DSCAML1: variants seen among roughly 807,000 people sequenced by gnomAD.
The protein encoded by DSCAML1 is cell adhesion molecule DSCAML1.
DSCAML1 carries 38 observed loss-of-function variants against 200.5 expected under a neutral mutation model. That is an observed-to-expected ratio of 0.19 (90% CI 0.15 to 0.25). The LOEUF (loss-of-function observed/expected upper bound fraction) is 0.25, where lower values mean the gene tolerates loss of function less well. DSCAML1 is among the 10% of genes least tolerant of loss of function. The pLI, the probability that DSCAML1 is intolerant of heterozygous loss-of-function variation, is 1.00. For synonymous variants in DSCAML1, 1,215 were observed against 1,165.0 expected, an observed-to-expected ratio of 1.04 and a Z score of -0.87; for missense variants, 2,223 against 2,858.8, an observed-to-expected ratio of 0.78 and a Z score of 5.07.
intron 3 of DSCAML1, among the ~76,000 whole-genome samples, chr11:117,594,465 C>T (rs1250044585): frequency 6.6e-6 from 1 of 152,358 alleles, no homozygotes; most frequent in Middle Eastern, 3.4e-3. Context: ...CGCTGATGCT[C>T]TCAGCAATGC....
At chr11:117,622,678 C>T (rs2051957168) in intron 3 of DSCAML1, among the ~76,000 whole-genome samples, 1 of 152,102 alleles carries the variant, frequency 6.6e-6, no homozygotes, top group Admixed American at 6.5e-5. Context: ...AGCCCTGATC[C>T]ACTGGGGATG....
At chr11:117,767,353 GA>G (rs1382467049) in intron 3 of DSCAML1, among the ~76,000 whole-genome samples, 1 of 152,150 alleles carries the variant, frequency 6.6e-6, no homozygotes, top group Non-Finnish European at 1.5e-5. Context: ...TAAATAAAAT[GA>G]TGGAGAAAAG....
intron 3 of DSCAML1, among the ~76,000 whole-genome samples, chr11:117,704,607 C>T (rs577871011): frequency 1.9e-4 from 29 of 152,260 alleles, no homozygotes; most frequent in African/African-American, 6.5e-4. Flanking sequence ...GGTGTATGGC[C>T]TCGCACTTAG....
At chr11:117,667,945 T>G (rs888137533) in intron 3 of DSCAML1, among the ~76,000 whole-genome samples, 2 of 152,316 alleles carry the variant, frequency 1.3e-5, no homozygotes, top group Admixed American at 1.3e-4. Context: ...CTACTGCTCA[T>G]TAGGTGCCCG....
chr11:117,775,478 C>T (rs1461963194), intron 3 of DSCAML1, among the ~76,000 whole-genome samples: 1 of 152,180 alleles, frequency 6.6e-6, no homozygotes, highest in Admixed American at 6.5e-5. Flanking sequence ...AGCTGTCTTC[C>T]AGGAGCTTCG....
chr11:117,593,556 C>A (rs189812102), intron 3 of DSCAML1, among the ~76,000 whole-genome samples: 1 of 152,218 alleles, frequency 6.6e-6, no homozygotes, highest in East Asian at 1.9e-4. Context: ...GAGGCCGGGA[C>A]AGCACTGCAA....
chr11:117,618,350 T>A (rs1180467225), intron 3 of DSCAML1, among the ~76,000 whole-genome samples: 1 of 152,216 alleles, frequency 6.6e-6, no homozygotes, highest in African/African-American at 2.4e-5. Flanking sequence ...GTCTTCCATA[T>A]AATAGAGCTT....
intron 8 of DSCAML1, among the ~76,000 whole-genome samples, chr11:117,506,094 G>A (rs1292132373): frequency 6.6e-6 from 1 of 152,212 alleles, no homozygotes; most frequent in African/African-American, 2.4e-5. Flanking sequence ...CAGTGATGCA[G>A]CTCACAGCTC....
intron 11 of DSCAML1, among the ~76,000 whole-genome samples, chr11:117,502,968 C>T (rs1427703468): frequency 6.6e-6 from 1 of 152,168 alleles, no homozygotes; most frequent in Non-Finnish European, 1.5e-5. Context: ...GACGCTAACA[C>T]TCAGGCCCTT....
At position 117,672,250 on chromosome 11, in the gene DSCAML1, C is replaced by G. The variant is rs541660375; in HGVS notation, c.511+104541G>C. On this transcript the variant is annotated intron_variant, in intron 3 of 32. Transcript: ENST00000651296. ...GTGGAAGCAAGGATTACACTCAGGC[C>G]TCCTGCCTCCCAGCCCAGTGCCCTT... Among the ~76,000 whole-genome samples, 388 of 152,246 alleles carry G rather than the reference C, an allele frequency of 2.5e-3. 1 individual carries two copies. Among genetic ancestry groups the G allele is most frequent in the Non-Finnish European group, 4.4e-3 (302 of 68,016 alleles).
intron 3 of DSCAML1, among the ~76,000 whole-genome samples, chr11:117,689,584 G>A (rs940991238): frequency 1.3e-5 from 2 of 152,182 alleles, no homozygotes; most frequent in Non-Finnish European, 2.9e-5. Flanking sequence ...CTTCTGGGGT[G>A]CTTAGATGGG....
intron 11 of DSCAML1, among the ~76,000 whole-genome samples, chr11:117,487,316 AT>A (rs199871946): frequency 0.012 from 1,895 of 152,008 alleles, 41 homozygotes; most frequent in African/African-American, 0.043. Context: ...CCTGTTTTTT[AT>A]TTTTTTGAAC....
In DSCAML1 at chr11:117,437,494, TG is replaced by T; in HGVS notation, c.4433-86del. 1 of 1,466,346 alleles carries T rather than the reference TG, an allele frequency of 6.8e-7. No individual in the cohort carries two copies. The highest frequency in any genetic ancestry group is 9.3e-7 in the Non-Finnish European group (1 of 1,078,530). 90.8% of individuals were successfully genotyped at this position (1,466,346 alleles called of 1,614,324 possible). ...TGGGCTGGGCTGGAAAGGATTTCCC[TG>T]GGGCAGCTGGGATGGCAGTGGCTCC... is the stretch of plus-strand genomic sequence containing the variant. On this transcript the variant is annotated intron_variant, in intron 25 of 32. Transcript: ENST00000651296. This position sits in a 1 kb window ranked among gnomAD's most constrained non-coding sequence, Gnocchi z 5.3.
intron 8 of DSCAML1, among the ~76,000 whole-genome samples, chr11:117,515,810 G>C (rs575437517): frequency 1.3e-5 from 2 of 151,724 alleles, no homozygotes; most frequent in Non-Finnish European, 2.9e-5. Context: ...TAGTAGAGAC[G>C]GGGTTTCATC....
At chr11:117,525,340 G>C (rs927132875) in intron 4 of DSCAML1, among the ~76,000 whole-genome samples, 1 of 152,168 alleles carries the variant, frequency 6.6e-6, no homozygotes, top group African/African-American at 2.4e-5. Context: ...GATGGAGTTC[G>C]GGACTAGAGT....
chr11:117,438,587 G>C (rs1451061884), intron 24 of DSCAML1, among the ~76,000 whole-genome samples: 1 of 125,364 alleles, frequency 8.0e-6, no homozygotes, highest in Non-Finnish European at 1.6e-5. Context: ...GGAAAGCACT[G>C]ATCTAGTAGT....
At chr11:117,729,969 G>T (rs1426123677) in intron 3 of DSCAML1, among the ~76,000 whole-genome samples, 1 of 152,232 alleles carries the variant, frequency 6.6e-6, no homozygotes, top group Admixed American at 6.5e-5. Context: ...GGGAGGCCAG[G>T]GCGGGTGGAT....
chr11:117,535,309 A>G (rs1431804165), intron 3 of DSCAML1, among the ~76,000 whole-genome samples: 3 of 152,216 alleles, frequency 2.0e-5, no homozygotes, highest in Admixed American at 2.0e-4. Context: ...TGTGGGCCAG[A>G]GTCTGGAACT....
chr11:117,498,890 G>T lies in DSCAML1; in HGVS notation c.2359+4955C>A, dbSNP rs1023994938. Among the ~76,000 whole-genome samples, 9 of 152,184 alleles carry T rather than the reference G, an allele frequency of 5.9e-5. No individual in the cohort carries two copies. Among genetic ancestry groups the T allele is most frequent in the African/African-American group, 2.2e-4 (9 of 41,452 alleles). ...TCAGACCAAACAAAGAGCCCTTATG[G>T]GTTTAATTGGCCATGGGCTTTGTCT... is the stretch of plus-strand genomic sequence containing the variant. On this transcript the variant is annotated intron_variant, in intron 11 of 32. Coordinates refer to ENST00000651296, the MANE Select transcript of DSCAML1 (RefSeq NM_020693.4). This position sits in a 1 kb window ranked among gnomAD's most constrained non-coding sequence, Gnocchi z 4.0.
Sources: allele counts gnomAD v4.1 joint callset (sites outside exome capture counted in the v4.1 genomes callset), GRCh38; gene constraint gnomAD v4.1.1; non-coding constraint Gnocchi (gnomAD v3.1); transcripts MANE v1.5; gene names NCBI Gene and HGNC (gene_info 2026-07-23, HGNC 2026-07-21).